ST6GALNAC3: variants seen among roughly 807,000 people sequenced by gnomAD.
ST6GALNAC3 encodes the protein alpha-N-acetylgalactosaminide alpha-2,6-sialyltransferase 3.
ST6GALNAC3 carries 25 observed loss-of-function variants against 32.7 expected under a neutral mutation model. The ratio of observed to expected loss-of-function variants is 0.76; its 90% CI spans 0.56 to 1.07. The LOEUF is 1.07. Among genes scored for constraint, ST6GALNAC3 ranks in the 50% least tolerant of loss-of-function variants. The probability of loss-of-function intolerance (pLI) is 0.00; values close to 1 mark genes in which losing one functional copy is unlikely to be tolerated. For synonymous variants in ST6GALNAC3, 129 were observed against 133.1 expected (o/e 0.97, Z 0.21); for missense variants, 355 against 382.4 (o/e 0.93, Z 0.60).
intron 3 of ST6GALNAC3, among the ~76,000 whole-genome samples, chr1:76,560,431 C>A (rs892680696): frequency 3.3e-5 from 5 of 152,096 alleles, no homozygotes; most frequent in Admixed American, 6.5e-5. Context: ...GCAAACTACC[C>A]ATCTGACAAG....
At chr1:76,112,895 G>A (rs1422941257) in intron 1 of ST6GALNAC3, among the ~76,000 whole-genome samples, 1 of 151,722 alleles carries the variant, frequency 6.6e-6, no homozygotes, top group Non-Finnish European at 1.5e-5. Flanking sequence ...CCCAGACGAT[G>A]GGCGGCCAGG....
At chr1:76,535,411 C>T (rs1255430848) in intron 3 of ST6GALNAC3, among the ~76,000 whole-genome samples, 1 of 152,106 alleles carries the variant, frequency 6.6e-6, no homozygotes, top group Non-Finnish European at 1.5e-5. Flanking sequence ...TCACAAGACA[C>T]ATTCTGATTT....
intron 1 of ST6GALNAC3, among the ~76,000 whole-genome samples, chr1:76,265,472 G>A (rs1658475918): frequency 6.6e-6 from 1 of 152,068 alleles, no homozygotes; most frequent in Admixed American, 6.5e-5. Flanking sequence ...TCCCCTCCAT[G>A]TCTTTCTCTC....
intron 1 of ST6GALNAC3, among the ~76,000 whole-genome samples, chr1:76,186,746 A>ATGAGAAG (rs1653580546): frequency 6.6e-6 from 1 of 152,164 alleles, no homozygotes; most frequent in Non-Finnish European, 1.5e-5. Flanking sequence ...TGCTTTCTGC[A>ATGAGAAG]GCCTCGTGAG....
intron 3 of ST6GALNAC3, among the ~76,000 whole-genome samples, chr1:76,516,560 C>T (rs76494730): frequency 9.7e-4 from 147 of 152,010 alleles, no homozygotes; most frequent in Non-Finnish European, 1.7e-3. Flanking sequence ...TTGATAGCTA[C>T]ACTCTGACAG....
chr1:76,563,983 G>A (rs572851499), intron 3 of ST6GALNAC3, among the ~76,000 whole-genome samples: 38 of 152,286 alleles, frequency 2.5e-4, no homozygotes, highest in African/African-American at 8.4e-4. Flanking sequence ...AAGGGAAAGG[G>A]ATGCCAAGAA....
intron 1 of ST6GALNAC3, among the ~76,000 whole-genome samples, chr1:76,250,188 T>G (rs144063108): frequency 5.7e-4 from 87 of 152,288 alleles, no homozygotes; most frequent in Middle Eastern, 6.8e-3. Context: ...TCCTTAGAAG[T>G]TTCTCTCATG....
At chr1:76,364,652 C>T (rs1650227715) in intron 2 of ST6GALNAC3, among the ~76,000 whole-genome samples, 1 of 151,826 alleles carries the variant, frequency 6.6e-6, no homozygotes, top group South Asian at 2.1e-4. Flanking sequence ...AAAAAAACCT[C>T]ATTAAAAAGC....
In ST6GALNAC3 at chr1:76,530,499, G is replaced by A. The variant is rs116400646; in HGVS notation, c.624-96953G>A. On this transcript the variant is annotated intron_variant, in intron 3 of 4. Coordinates refer to ENST00000328299, the MANE Select transcript of ST6GALNAC3 (RefSeq NM_152996.4). Reference sequence around the variant, plus strand: ...AGCTATAGTAAAAAAGAATGAAGCCGAACAGAGCTGAGCTGAGCTGAGAGA... The same window carrying A: ...AGCTATAGTAAAAAAGAATGAAGCCAAACAGAGCTGAGCTGAGCTGAGAGA... Among the ~76,000 whole-genome samples the A allele has an allele frequency of 2.9e-3, 439 of 152,220 alleles. 2 individuals carry two copies. The highest frequency in any genetic ancestry group is 9.8e-3 in the African/African-American group (409 of 41,556).
intron 1 of ST6GALNAC3, among the ~76,000 whole-genome samples, chr1:76,105,426 C>T (rs1439290586): frequency 6.6e-6 from 1 of 152,158 alleles, no homozygotes; most frequent in Non-Finnish European, 1.5e-5. Context: ...ACTGAAGAAC[C>T]ACAGACTGTG....
chr1:76,520,777 A>C (rs1229022693), intron 3 of ST6GALNAC3, among the ~76,000 whole-genome samples: 1 of 152,174 alleles, frequency 6.6e-6, no homozygotes, highest in Admixed American at 6.5e-5. Context: ...CTGTTTGACT[A>C]ATATCAATAT....
At position 76,409,268 on chromosome 1, in the gene ST6GALNAC3, C is replaced by T. The variant is rs561085847; in HGVS notation, c.214-2740C>T. On this transcript the variant is annotated intron_variant, in intron 2 of 4. Coordinates refer to ENST00000328299, the MANE Select transcript of ST6GALNAC3 (RefSeq NM_152996.4). ...TACTCACATTAGTTGAGAAACCTTA[C>T]TGTGTTAGGGGTGATGAACAGTCCC... is the stretch of plus-strand genomic sequence containing the variant. 4.6e-5 allele frequency among the ~76,000 whole-genome samples: 7 copies of T among 152,178 alleles called. No homozygotes were observed. In the South Asian group the frequency reaches 8.3e-4, roughly 18 times the overall value.
intron 3 of ST6GALNAC3, among the ~76,000 whole-genome samples, chr1:76,472,076 C>A (rs1659067391): frequency 6.6e-6 from 1 of 152,104 alleles, no homozygotes; most frequent in Non-Finnish European, 1.5e-5. Flanking sequence ...TGTAGAGTCA[C>A]TTTCAAGTAC....
chr1:76,507,882 A>C (rs893630145), intron 3 of ST6GALNAC3, among the ~76,000 whole-genome samples: 2 of 152,212 alleles, frequency 1.3e-5, no homozygotes, highest in Non-Finnish European at 2.9e-5. Context: ...GTACCCTTAT[A>C]CATTCTCACC....
chr1:76,582,529 A>G (rs1368879087), intron 3 of ST6GALNAC3, among the ~76,000 whole-genome samples: 3 of 152,180 alleles, frequency 2.0e-5, no homozygotes, highest in Non-Finnish European at 1.5e-5. Context: ...AAGGAATGTC[A>G]AAGAGTTTGT....
At chr1:76,295,646 T>C (rs1273719348) in intron 1 of ST6GALNAC3, among the ~76,000 whole-genome samples, 5 of 152,074 alleles carry the variant, frequency 3.3e-5, no homozygotes, top group African/African-American at 7.2e-5. Context: ...GGGAGAAAAA[T>C]GTATTTAATA....
intron 3 of ST6GALNAC3, among the ~76,000 whole-genome samples, chr1:76,561,081 T>C (rs986827502): frequency 2.6e-5 from 4 of 152,116 alleles, no homozygotes; most frequent in Admixed American, 1.3e-4. Flanking sequence ...TTATGCTAAG[T>C]AAAATAACTC....
chr1:76,280,024 C>T (rs1557749640), intron 1 of ST6GALNAC3, among the ~76,000 whole-genome samples: 2 of 151,852 alleles, frequency 1.3e-5, no homozygotes, highest in Admixed American at 6.6e-5. Flanking sequence ...TTCTCTTTTG[C>T]CATTGCCCCT....
rs1247338300 is a variant in ST6GALNAC3, at chr1:76,591,436, G to T, written c.624-36016G>T. On this transcript the variant is annotated intron_variant, in intron 3 of 4. Transcript: ENST00000328299. ...GTGGTGGAGGGTCCTCTGATGATGT[G>T]CCTGTATTTTTTCCAGAGAGCCCAG... 2.0e-5 allele frequency among the ~76,000 whole-genome samples: 3 copies of T among 152,132 alleles called. No homozygotes were observed. The South Asian group carries it at 6.2e-4, about 32-fold the overall frequency.
Sources: gnomAD v4.1 joint callset for allele counts (sites outside exome capture counted in the v4.1 genomes callset) on GRCh38, gnomAD v4.1.1 for gene constraint, MANE v1.5 for transcripts, NCBI Gene and HGNC (gene_info 2026-07-23, HGNC 2026-07-21) for gene names.